The following STEAP2 variants were observed in gnomAD, a reference collection of about 807,000 sequenced individuals.
The protein encoded by STEAP2 is STEAP2 metalloreductase, also known as metalloreductase STEAP2.
Under a neutral mutation model 46.4 loss-of-function variants are expected in STEAP2, and 30 were observed. That is an observed-to-expected ratio of 0.65 (90% CI 0.48 to 0.88). The LOEUF (loss-of-function observed/expected upper bound fraction) is 0.88. STEAP2 is among the 40% of genes least tolerant of loss of function. STEAP2 has a pLI of 0.00. For synonymous variants in STEAP2, 180 were observed against 200.5 expected (o/e 0.90, Z 0.86); for missense variants, 513 against 579.3 (o/e 0.89, Z 1.18).
At chr7:90,228,721 A>G (rs1288740201) in intron 4 of STEAP2, among the ~76,000 whole-genome samples, 2 of 152,010 alleles carry the variant, frequency 1.3e-5, no homozygotes, top group African/African-American at 2.4e-5. Flanking sequence ...TATCTTTTTC[A>G]CTGATGCATA....
rs568628151 is a variant in STEAP2 at position 90,231,641 on chromosome 7, A to C, written c.1186-696A>C. Among the ~76,000 whole-genome samples the C allele has an allele frequency of 3.4e-3, 513 of 152,160 alleles. 2 individuals are homozygous for C. The highest frequency in any genetic ancestry group is 0.012 in the African/African-American group (487 of 41,548). ...ACAGAGAAAAGGTACAGTAAAAATAAGGCATATAATCTTATGGGACCACCG... is the reference window on the plus strand; with the variant it reads ...ACAGAGAAAAGGTACAGTAAAAATACGGCATATAATCTTATGGGACCACCG... On this transcript the variant is annotated intron_variant, in intron 5 of 5. Coordinates refer to ENST00000394621, the MANE Select transcript of STEAP2 (RefSeq NM_001244944.2).
In STEAP2 at chr7:90,235,661, A is replaced by C. The variant is rs17866373; in HGVS notation, c.*3037A>C. ...TTGTTTTCCTATGAGGAAAATAACC[A>C]TGAGCTGTATCATGCTACTTAGCTT... On this transcript the variant is annotated 3_prime_UTR_variant, in exon 6 of 6. Transcript: ENST00000394621. 5 of 951,082 alleles carry C rather than the reference A, an allele frequency of 5.3e-6. No homozygotes were observed. The African/African-American group carries it at 8.8e-5, about 17-fold the overall frequency. 58.9% of individuals were successfully genotyped at this position (951,082 alleles called of 1,614,324 possible). A position where few individuals can be genotyped will look rare whatever the true frequency, so the allele number is the denominator to read the frequency against.
In STEAP2 at chr7:90,236,674, T is replaced by A. The variant is rs367659916; in HGVS notation, c.*4050T>A. The A allele has an allele frequency of 7.7e-7, 1 of 1,304,488 alleles. No individual in the cohort carries two copies. Among genetic ancestry groups the A allele is most frequent in the South Asian group, 2.2e-5 (1 of 46,222 alleles). 80.8% of individuals were successfully genotyped at this position (1,304,488 alleles called of 1,614,324 possible). The stretch of plus-strand genomic sequence containing the variant: ...TTAATTTTCAGAGATTCTTTCCATA[T>A]GTTACTAAAAAATGTTTTGTTCAGC... On this transcript the variant is annotated 3_prime_UTR_variant, in exon 6 of 6. Coordinates refer to ENST00000394621, the MANE Select transcript of STEAP2 (RefSeq NM_001244944.2).
chr7:90,223,790 A>T (rs894499225), intron 2 of STEAP2, among the ~76,000 whole-genome samples: 5 of 152,206 alleles, frequency 3.3e-5, no homozygotes, highest in African/African-American at 1.2e-4. Context: ...ATAGAAGTCC[A>T]TGGTATTTAC....
intron 5 of STEAP2, 134 bp downstream of exon 5, chr7:90,230,170 G>A (rs1159917737): frequency 1.3e-6 from 2 of 1,484,496 alleles, no homozygotes; most frequent in Admixed American, 4.7e-5. Flanking sequence ...ACATTATGCT[G>A]GAAGCCAGCT....
chr7:90,219,212 A>G (rs1795151049), intron 2 of STEAP2, among the ~76,000 whole-genome samples: 1 of 152,106 alleles, frequency 6.6e-6, no homozygotes, highest in African/African-American at 2.4e-5. Context: ...TAGATCTAAG[A>G]TCATATCATC....
intron 1 of STEAP2, chr7:90,215,362 C>T (rs916541914): frequency 2.0e-5 from 3 of 152,198 alleles, no homozygotes; most frequent in African/African-American, 7.2e-5. Context: ...TAACATAGCA[C>T]AACAGGTGCC....
chr7:90,231,575 G>C (rs1446701011), intron 5 of STEAP2, among the ~76,000 whole-genome samples: 1 of 151,376 alleles, frequency 6.6e-6, no homozygotes, highest in Non-Finnish European at 1.5e-5. Context: ...ACAGGCACTT[G>C]TAACACAATG....
intron 2 of STEAP2, among the ~76,000 whole-genome samples, chr7:90,219,726 C>T (rs898096871): frequency 7.2e-5 from 11 of 151,994 alleles, no homozygotes; most frequent in Admixed American, 2.0e-4. Flanking sequence ...CACACACGCG[C>T]GCACACACAC....
Position 90,234,181 on chromosome 7 carries a change from T to C in STEAP2, c.*1557T>C. On this transcript the variant is annotated 3_prime_UTR_variant, in exon 6 of 6. Coordinates refer to ENST00000394621, the MANE Select transcript of STEAP2 (RefSeq NM_001244944.2). ...TAAGTGGCTAATTATAAATCTACTC[T>C]AGAGACATATAATCATACAGATTAT... 1 of 985,340 alleles carries C rather than the reference T, an allele frequency of 1.0e-6. No individual in the cohort carries two copies. The highest frequency in any genetic ancestry group is 1.2e-6 in the Non-Finnish European group (1 of 829,840). 61.0% of individuals were successfully genotyped at this position (985,340 alleles called of 1,614,324 possible).
In STEAP2 at chr7:90,225,030, T is replaced by G; in HGVS notation, c.-33-20T>G. 1 of 1,568,574 alleles carries G rather than the reference T, an allele frequency of 6.4e-7. No homozygotes were observed. Among genetic ancestry groups the G allele is most frequent in the Non-Finnish European group, 8.6e-7 (1 of 1,159,170 alleles). On this transcript the variant is annotated intron_variant, in intron 2 of 5. Coordinates refer to ENST00000394621, the MANE Select transcript of STEAP2 (RefSeq NM_001244944.2). ...TTCAGTAATAGGTAACTGATGACCA[T>G]TTTATTTTCTCTCCCCTAGGATATT...
In STEAP2 at chr7:90,236,566, C is replaced by A; in HGVS notation, c.*3942C>A. The A allele has an allele frequency of 9.6e-7, 1 of 1,040,128 alleles. No individual in the cohort carries two copies. The highest frequency in any genetic ancestry group is 3.8e-5 in the South Asian group (1 of 26,186). The allele number at this position is 1,040,128 out of a possible 1,614,324, so 64.4% of individuals were successfully genotyped here. A position where few individuals can be genotyped will look rare whatever the true frequency, so the allele number is the denominator to read the frequency against. On this transcript the variant is annotated 3_prime_UTR_variant, in exon 6 of 6. Transcript: ENST00000394621. Reference sequence around the variant, plus strand: ...GTAATAATTTCAGTGGAAACTCAATCTGTTTTTACCTTTAAACAGTGAATT... The same window carrying A: ...GTAATAATTTCAGTGGAAACTCAATATGTTTTTACCTTTAAACAGTGAATT...
At position 90,235,557 on chromosome 7, in the gene STEAP2, A is replaced by G. The variant is rs1251667059; in HGVS notation, c.*2933A>G. On this transcript the variant is annotated 3_prime_UTR_variant, in exon 6 of 6. Transcript: ENST00000394621. ...GATTTGCTACCTGGTCTGTGTTTTG[A>G]GAAGTGCCCCTTAGAAAGTTAAAAG... The G allele has an allele frequency of 3.0e-6, 3 of 985,076 alleles. No homozygotes were observed. Among genetic ancestry groups the G allele is most frequent in the Non-Finnish European group, 3.6e-6 (3 of 829,860 alleles). The allele number at this position is 985,076 out of a possible 1,614,324, so 61.0% of individuals were successfully genotyped here.
chr7:90,233,794 G>T lies in STEAP2; in HGVS notation c.*1170G>T. On this transcript the variant is annotated 3_prime_UTR_variant, in exon 6 of 6. Transcript: ENST00000394621. ...CTCCCGCCGCGCCCCTATGCATTAT[G>T]TTCACAATGCCAATCTAGATGCTTC... is the stretch of plus-strand genomic sequence containing the variant. 1.0e-6 allele frequency: 1 copy of T among 985,402 alleles called. No homozygotes were observed. The highest frequency in any genetic ancestry group is 1.2e-6 in the Non-Finnish European group (1 of 829,926). 61.0% of individuals were successfully genotyped at this position (985,402 alleles called of 1,614,324 possible). A position where few individuals can be genotyped will look rare whatever the true frequency, so the allele number is the denominator to read the frequency against.
chr7:90,228,551 A>G (rs1021261284), intron 4 of STEAP2, among the ~76,000 whole-genome samples: 15 of 151,970 alleles, frequency 9.9e-5, no homozygotes, highest in Admixed American at 9.2e-4. Context: ...CTCTGCCCCA[A>G]CCAGTATTCC....
At chr7:90,216,831 T>G (rs1370571721) in intron 2 of STEAP2, among the ~76,000 whole-genome samples, 3 of 152,152 alleles carry the variant, frequency 2.0e-5, no homozygotes, top group Non-Finnish European at 4.4e-5. Flanking sequence ...CCAGAACAAT[T>G]AAGTGAAAAC....
At chr7:90,226,442 T>G (rs572962292) in intron 3 of STEAP2, among the ~76,000 whole-genome samples, 1 of 152,306 alleles carries the variant, frequency 6.6e-6, no homozygotes, top group Non-Finnish European at 1.5e-5. Context: ...TAATTTAGAA[T>G]ACTTTTTTCT....
chr7:90,224,972 C>A, intron 2 of STEAP2, 78 bp from the exon 3 acceptor site: 1 of 1,242,026 alleles, frequency 8.1e-7, no homozygotes. Flanking sequence ...TCTAGAAAGA[C>A]AGGACATTAC....
At position 90,234,779 on chromosome 7, in the gene STEAP2, T is replaced by C. The variant is rs530919323; in HGVS notation, c.*2155T>C. 13 of 680,906 alleles carry C rather than the reference T, an allele frequency of 1.9e-5. No individual in the cohort carries two copies. In the South Asian group the frequency reaches 7.3e-4, roughly 38 times the overall value. The allele number at this position is 680,906 out of a possible 1,614,324, so 42.2% of individuals were successfully genotyped here. A position where few individuals can be genotyped will look rare whatever the true frequency, so the allele number is the denominator to read the frequency against. The stretch of plus-strand genomic sequence containing the variant: ...CGTGTTAGCCAGGATGGTCTCGATC[T>C]CCTGACCTCGTGATCCGCCCGCCTT... On this transcript the variant is annotated 3_prime_UTR_variant, in exon 6 of 6. Transcript: ENST00000394621.
Sources: allele counts gnomAD v4.1 joint callset (sites outside exome capture counted in the v4.1 genomes callset), GRCh38; gene constraint gnomAD v4.1.1; transcripts MANE v1.5; gene names NCBI Gene and HGNC (gene_info 2026-07-23, HGNC 2026-07-21).